The following KLF12 variants were observed in gnomAD, a reference collection of about 807,000 sequenced individuals.
KLF12 encodes Krueppel-like factor 12.
KLF12 carries 9 observed loss-of-function variants against 37.8 expected under a neutral mutation model. That is an observed-to-expected ratio of 0.24 (90% CI 0.14 to 0.42). The LOEUF (loss-of-function observed/expected upper bound fraction) is 0.42, where lower values mean the gene tolerates loss of function less well. Ranked by LOEUF, KLF12 falls within the 10% of genes least tolerant of loss-of-function variation. The pLI, the probability that KLF12 is intolerant of heterozygous loss-of-function variation, is 1.00. For missense variants in KLF12, 411 were observed against 516.0 expected, an observed-to-expected ratio of 0.80 and a Z score of 1.97; for synonymous variants, 208 against 202.1, an observed-to-expected ratio of 1.03 and a Z score of -0.25.
intron 1 of KLF12, among the ~76,000 whole-genome samples, chr13:74,058,353 CTTTTTTT>C (rs55954411): frequency 4.1e-5 from 3 of 72,648 alleles, no homozygotes; most frequent in African/African-American, 1.5e-4. Flanking sequence ...ATAATTTTAT[CTTTTTTT>C]TTTTTTTTTT....
At chr13:74,098,789 A>T (rs1477561538) in intron 1 of KLF12, among the ~76,000 whole-genome samples, 1 of 152,194 alleles carries the variant, frequency 6.6e-6, no homozygotes, top group Admixed American at 6.5e-5. Flanking sequence ...ATTTTTTAGA[A>T]AATATTTTGC....
chr13:73,901,266 C>G (rs964758016), intron 3 of KLF12, among the ~76,000 whole-genome samples: 1 of 152,088 alleles, frequency 6.6e-6, no homozygotes, highest in Non-Finnish European at 1.5e-5. Flanking sequence ...ACAAATCAGT[C>G]AGAAAGCTTC....
At chr13:73,743,122 T>G (rs1326927794) in intron 6 of KLF12, among the ~76,000 whole-genome samples, 9 of 152,078 alleles carry the variant, frequency 5.9e-5, no homozygotes, top group Non-Finnish European at 1.3e-4. Flanking sequence ...AAAGCAAGAG[T>G]TGCCGCAAAG....
intron 2 of KLF12, chr13:73,961,993 T>G (rs1163324371): frequency 2.2e-6 from 1 of 455,356 alleles, no homozygotes; most frequent in African/African-American, 2.0e-5. Context: ...GTCTTTGGAA[T>G]TTACTCAAAT....
At chr13:74,022,340 C>T (rs977054721) in intron 1 of KLF12, among the ~76,000 whole-genome samples, 2 of 152,176 alleles carry the variant, frequency 1.3e-5, no homozygotes, top group African/African-American at 2.4e-5. Flanking sequence ...ATTATACAGA[C>T]ATTTTTATGT....
intron 6 of KLF12, among the ~76,000 whole-genome samples, chr13:73,721,550 C>T (rs7992298): frequency 0.63 from 96,250 of 151,884 alleles, 30,962 homozygotes; most frequent in East Asian, 0.73. Context: ...CTTTTCTCTC[C>T]TTTCATCTTG....
intron 2 of KLF12, among the ~76,000 whole-genome samples, chr13:73,994,675 T>G (rs1283451452): frequency 6.6e-6 from 1 of 152,224 alleles, no homozygotes; most frequent in Non-Finnish European, 1.5e-5. Flanking sequence ...CTTCTTTTTT[T>G]GTACCAGTGA....
intron 2 of KLF12, among the ~76,000 whole-genome samples, chr13:73,946,067 G>A (rs1017236987): frequency 1.3e-5 from 2 of 152,084 alleles, no homozygotes; most frequent in African/African-American, 2.4e-5. Context: ...GCCAGCCCTC[G>A]ACTCTCCGGA....
At chr13:73,889,449 G>A (rs1013816644) in intron 3 of KLF12, among the ~76,000 whole-genome samples, 4 of 152,072 alleles carry the variant, frequency 2.6e-5, no homozygotes, top group South Asian at 2.1e-4. Context: ...GAATTATTAC[G>A]CTCACTTTGC....
chr13:73,703,938 A>G (rs556358786), intron 7 of KLF12, among the ~76,000 whole-genome samples: 91 of 152,366 alleles, frequency 6.0e-4, no homozygotes, highest in Non-Finnish European at 1.1e-3. Context: ...GAAATCCGAT[A>G]TAAGTGAACT....
the KLF12 span, among the ~76,000 whole-genome samples, chr13:74,174,339 T>C: frequency 6.6e-6 from 1 of 150,396 alleles, no homozygotes; most frequent in Admixed American, 6.6e-5. Context: ...TCTTTTCTTT[T>C]TTTTTTTTTT....
the KLF12 span, among the ~76,000 whole-genome samples, chr13:74,160,502 T>C: frequency 6.6e-6 from 1 of 152,348 alleles, no homozygotes; most frequent in Admixed American, 6.5e-5. Context: ...CTCAGCCTAA[T>C]ACAGATCCAG....
chr13:73,755,847 C>T (rs547944451), intron 6 of KLF12, among the ~76,000 whole-genome samples: 4 of 152,048 alleles, frequency 2.6e-5, no homozygotes, highest in Middle Eastern at 6.8e-3. Flanking sequence ...TGAGAACATA[C>T]GATGTTTGGT....
At chr13:74,122,964 A>G (rs1392057610) in intron 1 of KLF12, among the ~76,000 whole-genome samples, 1 of 149,396 alleles carries the variant, frequency 6.7e-6, no homozygotes, top group Non-Finnish European at 1.5e-5. Context: ...GGTCACTAAA[A>G]AAAAAAAAAA....
chr13:74,141,947 C>G, the KLF12 span, among the ~76,000 whole-genome samples: 2,421 of 152,140 alleles, frequency 0.016, 40 homozygotes, highest in Middle Eastern at 0.034. Flanking sequence ...TAGTGAGGCT[C>G]TCTATTGAAT....
chr13:74,136,370 A>G (rs1878555362), upstream of KLF12, among the ~76,000 whole-genome samples: 1 of 152,216 alleles, frequency 6.6e-6, no homozygotes, highest in African/African-American at 2.4e-5. Context: ...ACGTGAAAAC[A>G]CAAGTTTGAA....
the KLF12 span, among the ~76,000 whole-genome samples, chr13:74,291,145 G>T: frequency 6.6e-6 from 1 of 152,302 alleles, no homozygotes; most frequent in East Asian, 1.9e-4. Flanking sequence ...TGTCCTAAGT[G>T]GGTTTTATTT....
the KLF12 span, among the ~76,000 whole-genome samples, chr13:74,166,049 G>A: frequency 6.6e-6 from 1 of 150,504 alleles, no homozygotes; most frequent in African/African-American, 2.4e-5. Flanking sequence ...GTTCAGGATG[G>A]ATCGATTGCA....
At chr13:74,194,279 T>C in the KLF12 span, among the ~76,000 whole-genome samples, 4 of 152,216 alleles carry the variant, frequency 2.6e-5, no homozygotes, top group Non-Finnish European at 5.9e-5. Context: ...GAAATGTTAT[T>C]GAAGAATTTC....
Sources: gnomAD v4.1 joint callset for allele counts (sites outside exome capture counted in the v4.1 genomes callset) on GRCh38, gnomAD v4.1.1 for gene constraint, MANE v1.5 for transcripts, NCBI Gene and HGNC (gene_info 2026-07-23, HGNC 2026-07-21) for gene names.